FDFT1: variants seen among roughly 807,000 people sequenced by gnomAD.
The protein encoded by FDFT1 is squalene synthase.
In FDFT1, 68 loss-of-function variants were observed where a neutral mutation model predicts 46.8. The observed-to-expected ratio is 1.45, with a 90% CI of 1.19 to 1.78. FDFT1 has a LOEUF of 1.78. FDFT1 is among the 40% of genes most tolerant of loss of function. FDFT1 has a pLI of 0.00. For synonymous variants in FDFT1, 351 were observed against 185.1 expected (o/e 1.90, Z -7.28); for missense variants, 928 against 524.4 (o/e 1.77, Z -7.52).
intron 3 of FDFT1, among the ~76,000 whole-genome samples, chr8:11,819,903 C>A (rs747246351): frequency 6.6e-6 from 1 of 152,126 alleles, no homozygotes; most frequent in African/African-American, 2.4e-5. Context: ...TGAGGAGTTA[C>A]GTTCCTTTGG....
At chr8:11,801,985 G>A (rs896831155), upstream of FDFT1, 1 of 455,808 alleles carries the variant, frequency 2.2e-6, no homozygotes, top group Non-Finnish European at 4.4e-6. Flanking sequence ...CACCACGCCT[G>A]GACGGGTAGC....
chr8:11,799,176 A>T (rs1221603692), upstream of FDFT1, among the ~76,000 whole-genome samples: 1 of 152,250 alleles, frequency 6.6e-6, no homozygotes, highest in African/African-American at 2.4e-5. Flanking sequence ...TTTTTAGGAC[A>T]GGAAGGCGCC....
chr8:11,831,499 CTCT>C lies in FDFT1; in HGVS notation c.880-14_880-12del, dbSNP rs139572326. 43,118 of 1,602,154 alleles carry C rather than the reference CTCT, an allele frequency of 0.027. 2,054 individuals are homozygous for C. The highest frequency in any genetic ancestry group is 0.25 in the East Asian group (11,307 of 44,638). On this transcript the variant is annotated splice_polypyrimidine_tract_variant and intron_variant, in intron 6 of 7. Transcript: ENST00000220584. ...CGACATCATTTCTTCTTTTTTCCCT[CTCT>C]TCTTGTTGTCTCTAGGTGATGGCCA...
chr8:11,817,615 T>C (rs1450622213), intron 3 of FDFT1, among the ~76,000 whole-genome samples: 1 of 152,260 alleles, frequency 6.6e-6, no homozygotes, highest in African/African-American at 2.4e-5. Context: ...TGTCGAGGAA[T>C]GTATCCATTT....
upstream of FDFT1, chr8:11,801,738 G>C (rs192477641): frequency 6.1e-6 from 2 of 328,806 alleles, no homozygotes; most frequent in East Asian, 1.8e-4. Context: ...CTGTTGGCCT[G>C]GCTGGAGTGC....
chr8:11,807,781 C>G (rs1156954741), intron 1 of FDFT1, among the ~76,000 whole-genome samples: 1 of 152,208 alleles, frequency 6.6e-6, no homozygotes, highest in Non-Finnish European at 1.5e-5. Context: ...GAATGGCTGG[C>G]TTTCTAGAGA....
At chr8:11,835,333 C>G (rs191944561) in intron 7 of FDFT1, among the ~76,000 whole-genome samples, 1 of 152,262 alleles carries the variant, frequency 6.6e-6, no homozygotes, top group East Asian at 1.9e-4. Flanking sequence ...TAGAAGGTCC[C>G]TTTGGCCTTA....
intron 3 of FDFT1, among the ~76,000 whole-genome samples, chr8:11,813,996 C>T (rs1020937112): frequency 2.8e-4 from 43 of 152,246 alleles, no homozygotes; most frequent in African/African-American, 6.5e-4. Context: ...TGTACAATTA[C>T]GTAATAAATA....
chr8:11,822,962 A>G (rs778400208), intron 4 of FDFT1, among the ~76,000 whole-genome samples: 14 of 152,218 alleles, frequency 9.2e-5, no homozygotes, highest in Non-Finnish European at 1.8e-4. Flanking sequence ...TTGAATTAAA[A>G]AAAATTTTTT....
intron 5 of FDFT1, 113 bp downstream of exon 5, chr8:11,826,328 C>CA (rs1809986196): frequency 2.8e-6 from 2 of 711,068 alleles, no homozygotes; most frequent in Admixed American, 5.4e-5. Flanking sequence ...CCCCAGGCAG[C>CA]ATAAGGGGAT....
At chr8:11,831,797 G>T in intron 7 of FDFT1, 127 bp downstream of exon 7, 1 of 805,842 alleles carries the variant, frequency 1.2e-6, no homozygotes. Context: ...AAAGAGACAG[G>T]AATTGATATC....
intron 1 of FDFT1, among the ~76,000 whole-genome samples, chr8:11,796,262 G>T (rs1349580593): frequency 6.6e-6 from 1 of 152,216 alleles, no homozygotes; most frequent in African/African-American, 2.4e-5. Context: ...TAAGTGACTG[G>T]ACTGTTTGTG....
At chr8:11,829,520 T>C (rs1207469123) in intron 5 of FDFT1, among the ~76,000 whole-genome samples, 3 of 152,272 alleles carry the variant, frequency 2.0e-5, no homozygotes, top group Admixed American at 6.5e-5. Flanking sequence ...AGTCATTATT[T>C]AGAGGCCTGG....
upstream of FDFT1, among the ~76,000 whole-genome samples, chr8:11,800,461 G>A (rs1404259550): frequency 4.6e-5 from 7 of 151,976 alleles, no homozygotes; most frequent in Non-Finnish European, 7.4e-5. Context: ...CTGGAACGGT[G>A]CCTCACGTTC....
chr8:11,806,441 C>G (rs1806844519), intron 1 of FDFT1, among the ~76,000 whole-genome samples: 1 of 152,048 alleles, frequency 6.6e-6, no homozygotes. Context: ...GGGACTGAAA[C>G]AAATAGGTGA....
chr8:11,828,358 T>C (rs1810300799), intron 5 of FDFT1, among the ~76,000 whole-genome samples: 1 of 152,170 alleles, frequency 6.6e-6, no homozygotes, highest in Admixed American at 6.5e-5. Context: ...CCTTTTAAGT[T>C]TCCTAGGTGA....
intron 1 of FDFT1, chr8:11,808,095 C>T (rs1401442157): frequency 1.3e-5 from 3 of 223,482 alleles, no homozygotes; most frequent in African/African-American, 4.7e-5. Context: ...CTAGGGTGAT[C>T]AGATACTGAA....
intron 4 of FDFT1, among the ~76,000 whole-genome samples, chr8:11,825,055 ACC>A (rs1207193793): frequency 6.6e-6 from 1 of 152,146 alleles, no homozygotes; most frequent in African/African-American, 2.4e-5. Flanking sequence ...AGTTCTTAAA[ACC>A]GTGTCAAGAA....
At position 11,826,198 on chromosome 8, in the gene FDFT1, G is replaced by C; in HGVS notation, c.685G>C (p.Glu229Gln). ...DYLEDQQGGR[E>Q]FWPQEVWSRY... The stretch of plus-strand genomic sequence containing the variant: ...TCTGGAAGACCAGCAAGGAGGAAGA[G>C]AGTTCTGGCCTCAAGAGGTAACAGA... Residue 229 changes from glutamate (E) to glutamine (Q), a missense_variant, in exon 5 of 8, where the codon GAG becomes CAG. By Grantham distance (29) the Glu-to-Gln change is conservative. Coordinates refer to ENST00000220584, the MANE Select transcript of FDFT1 (RefSeq NM_004462.5). 5 of 1,566,954 alleles carry C rather than the reference G, an allele frequency of 3.2e-6. No homozygotes were observed. Among genetic ancestry groups the C allele is most frequent in the South Asian group, 2.3e-5 (2 of 86,564 alleles).
Sources: gnomAD v4.1 joint callset for allele counts (sites outside exome capture counted in the v4.1 genomes callset) on GRCh38, gnomAD v4.1.1 for gene constraint, MANE v1.5 for transcripts, NCBI Gene and HGNC (gene_info 2026-07-23, HGNC 2026-07-21) for gene names.